PA2G4: variants seen among roughly 807,000 people sequenced by gnomAD.
The protein encoded by PA2G4 is proliferation-associated protein 2G4.
PA2G4 carries 8 observed loss-of-function variants against 53.3 expected under a neutral mutation model. The ratio of observed to expected loss-of-function variants is 0.15; its 90% CI spans 0.09 to 0.27. The LOEUF (loss-of-function observed/expected upper bound fraction) is 0.27. PA2G4 is among the 10% of genes least tolerant of loss of function. The probability of loss-of-function intolerance (pLI) is 1.00; values close to 1 mark genes in which losing one functional copy is unlikely to be tolerated. For synonymous variants in PA2G4, 143 were observed against 169.8 expected (o/e 0.84, Z 1.23); for missense variants, 208 against 486.8 (o/e 0.43, Z 5.39).
At chr12:56,105,374 C>A (rs1869278447) in intron 1 of PA2G4, among the ~76,000 whole-genome samples, 1 of 152,210 alleles carries the variant, frequency 6.6e-6, no homozygotes, top group African/African-American at 2.4e-5. Context: ...TGGAGCCTTT[C>A]CTTCTTTACT....
At chr12:56,112,565 C>A (rs1217231996) in intron 12 of PA2G4, among the ~76,000 whole-genome samples, 4 of 151,924 alleles carry the variant, frequency 2.6e-5, no homozygotes, top group Non-Finnish European at 5.9e-5. Flanking sequence ...CAAGATCAGC[C>A]CGGGCAACAT....
intron 10 of PA2G4, 46 bp downstream of exon 10, chr12:56,111,104 T>C (rs1315208944): frequency 6.2e-7 from 1 of 1,612,574 alleles, no homozygotes; most frequent in Non-Finnish European, 8.5e-7. Context: ...GATTATAAGA[T>C]ATCCTTCCTG....
intron 12 of PA2G4, among the ~76,000 whole-genome samples, chr12:56,112,008 G>A (rs1000153578): frequency 9.9e-5 from 15 of 152,070 alleles, no homozygotes; most frequent in African/African-American, 3.4e-4. Context: ...CAGCTACTCG[G>A]GAGGCTAAGG....
rs559526374 is a variant in PA2G4, at chr12:56,111,543, G to C, written c.1119+14G>C. 18 of 1,610,244 alleles carry C rather than the reference G, an allele frequency of 1.1e-5. No individual in the cohort carries two copies. In the East Asian group the frequency reaches 2.2e-4, roughly 20 times the overall value. ...AAAAAAAAGAAGGTGTGTTATTAAC[G>C]ATCATTCCTCTCTGGCAGGGTGAAC... On this transcript the variant is annotated intron_variant, in intron 12 of 12. Coordinates refer to ENST00000303305, the MANE Select transcript of PA2G4 (RefSeq NM_006191.3).
intron 3 of PA2G4, 38 bp downstream of exon 3, chr12:56,107,133 A>T: frequency 3.7e-6 from 6 of 1,604,480 alleles, no homozygotes; most frequent in Non-Finnish European, 4.3e-6. Context: ...TTCTTTTTTT[A>T]AAGCATTTAC....
Position 56,104,590 on chromosome 12 carries a change from C to A in PA2G4, c.-148C>A. On this transcript the variant is annotated 5_prime_UTR_variant, in exon 1 of 13. In the 5' UTR this introduces an upstream ATG that the reference lacks. Transcript: ENST00000303305. ...CGCGCTCGCAGCTTCTCGCTCTCGC[C>A]TGCCTGCCCGCTCCCTTGCTTGCTC... The A allele has an allele frequency of 2.4e-6, 2 of 829,414 alleles. No homozygotes were observed. The highest frequency in any genetic ancestry group is 4.3e-6 in the Non-Finnish European group (2 of 469,682). The allele number at this position is 829,414 out of a possible 1,614,324, so 51.4% of individuals were successfully genotyped here. A position where few individuals can be genotyped will look rare whatever the true frequency, so the allele number is the denominator to read the frequency against.
rs1869471252 is a variant in PA2G4 at position 56,113,313 on chromosome 12, G to A, written c.*425G>A. 1 of 165,742 alleles carries A rather than the reference G, an allele frequency of 6.0e-6. No homozygotes were observed. The highest frequency in any genetic ancestry group is 6.3e-5 in the Admixed American group (1 of 15,948). The allele number at this position is 165,742 out of a possible 1,614,324, so 10.3% of individuals were successfully genotyped here. On this transcript the variant is annotated 3_prime_UTR_variant, in exon 13 of 13. Transcript: ENST00000303305. ...ATGTCAGCATTTTTTCCATCTGTTT[G>A]GGGCTTTTTCCTCTTTTTTCCATTC...
At position 56,110,388 on chromosome 12, in the gene PA2G4, A is replaced by C; in HGVS notation, c.630-11A>C. 6.5e-7 allele frequency: 1 copy of C among 1,548,726 alleles called. No individual in the cohort carries two copies. The highest frequency in any genetic ancestry group is 8.9e-7 in the Non-Finnish European group (1 of 1,121,170). The stretch of plus-strand genomic sequence containing the variant: ...AAAAAAAAAAAATTCCTTTCTCTCT[A>C]TTCCTTTTAGGAAGGACCATGAAAA... On this transcript the variant is annotated splice_polypyrimidine_tract_variant and intron_variant, in intron 7 of 12. Coordinates refer to ENST00000303305, the MANE Select transcript of PA2G4 (RefSeq NM_006191.3).
At chr12:56,108,669 A>G (rs1216559053) in intron 5 of PA2G4, among the ~76,000 whole-genome samples, 1 of 152,212 alleles carries the variant, frequency 6.6e-6, no homozygotes, top group East Asian at 1.9e-4. Context: ...TATTAAATGC[A>G]TTTTTGACTT....
chr12:56,105,212 T>C (rs1327557817), intron 1 of PA2G4: 1 of 455,774 alleles, frequency 2.2e-6, no homozygotes, highest in East Asian at 6.4e-5. Context: ...GCGACAGAAG[T>C]GCCCCTCTGT....
intron 9 of PA2G4, 114 bp downstream of exon 9, chr12:56,110,806 C>G: frequency 7.4e-7 from 1 of 1,350,948 alleles, no homozygotes; most frequent in Non-Finnish European, 1.0e-6. Context: ...CTCACTCCCT[C>G]CCTCTCTCTC....
intron 6 of PA2G4, among the ~76,000 whole-genome samples, chr12:56,109,629 C>CAAA (rs34060703): frequency 0.036 from 3,012 of 84,762 alleles, 58 homozygotes; most frequent in Non-Finnish European, 0.054. Context: ...TCCTCCATCT[C>CAAA]AAAAAAAAAA....
At position 56,107,069 on chromosome 12, in the gene PA2G4, T is replaced by C; in HGVS notation, c.297T>C (p.Ile99=). Residue 99 remains isoleucine, a synonymous_variant, in exon 3 of 13, where the codon ATT becomes ATC. Transcript: ENST00000303305. ...FSPLKSDQDY[I]LKEGDLVKID... is the part of the protein sequence containing the mutation. ...CTTTGAAGAGCGACCAGGATTATAT[T>C]CTCAAGGAAGGTGACTTGGTAAAAA... The C allele has an allele frequency of 6.2e-7, 1 of 1,613,656 alleles. No individual in the cohort carries two copies. Among genetic ancestry groups the C allele is most frequent in the Non-Finnish European group, 8.5e-7 (1 of 1,179,486 alleles).
Position 56,110,542 on chromosome 12 carries a change from T to C in PA2G4, c.709-17T>C, listed in dbSNP as rs772105240. ...GAGTGTTCACCAGACCAAATGTTAC[T>C]TAAATTACTCTTTCAGGCCAAGGAT... is the stretch of plus-strand genomic sequence containing the variant. On this transcript the variant is annotated splice_polypyrimidine_tract_variant and intron_variant, in intron 8 of 12. Transcript: ENST00000303305. The C allele has an allele frequency of 6.2e-7, 1 of 1,614,040 alleles. No homozygotes were observed. The highest frequency in any genetic ancestry group is 1.7e-5 in the Admixed American group (1 of 60,012).
At chr12:56,105,089 T>C (rs1294407472) in intron 1 of PA2G4, 2 of 687,922 alleles carry the variant, frequency 2.9e-6, no homozygotes, top group Non-Finnish European at 2.7e-6. Context: ...CCGAGGCCGT[T>C]TGTTAGGAGG....
intron 12 of PA2G4, among the ~76,000 whole-genome samples, chr12:56,111,754 C>G (rs1171725968): frequency 6.6e-6 from 1 of 150,638 alleles, no homozygotes; most frequent in Non-Finnish European, 1.5e-5. Flanking sequence ...AAACTCCTGG[C>G]CTTGAACAGT....
intron 12 of PA2G4, 28 bp from the exon 13 acceptor site, chr12:56,112,795 C>G (rs1225223558): frequency 7.9e-5 from 116 of 1,474,190 alleles, no homozygotes; most frequent in Non-Finnish European, 9.5e-5. Context: ...ACTGACAGGT[C>G]TTCTCCCTCT....
chr12:56,104,952 G>A, intron 1 of PA2G4, 127 bp downstream of exon 1: 1 of 893,876 alleles, frequency 1.1e-6, no homozygotes, highest in Non-Finnish European at 1.9e-6. Context: ...GGTCCGCTGG[G>A]CACGGCGTGG....
In PA2G4 at chr12:56,113,317, C is replaced by G. The variant is rs1265461090; in HGVS notation, c.*429C>G. 1 of 164,622 alleles carries G rather than the reference C, an allele frequency of 6.1e-6. No homozygotes were observed. The highest frequency in any genetic ancestry group is 1.3e-5 in the Non-Finnish European group (1 of 76,794). 10.2% of individuals were successfully genotyped at this position (164,622 alleles called of 1,614,324 possible). A position where few individuals can be genotyped will look rare whatever the true frequency, so the allele number is the denominator to read the frequency against. ...CAGCATTTTTTCCATCTGTTTGGGG[C>G]TTTTTCCTCTTTTTTCCATTCTCCC... On this transcript the variant is annotated 3_prime_UTR_variant, in exon 13 of 13. Transcript: ENST00000303305.
Sources: allele counts gnomAD v4.1 joint callset (sites outside exome capture counted in the v4.1 genomes callset), GRCh38; gene constraint gnomAD v4.1.1; transcripts MANE v1.5; gene names NCBI Gene and HGNC (gene_info 2026-07-23, HGNC 2026-07-21).